LRRC19: variants seen among roughly 807,000 people sequenced by gnomAD.
LRRC19 encodes the protein leucine-rich repeat-containing protein 19.
LRRC19 carries 33 observed loss-of-function variants against 33.3 expected under a neutral mutation model. The ratio of observed to expected loss-of-function variants is 0.99; its 90% confidence interval spans 0.75 to 1.33. The LOEUF (loss-of-function observed/expected upper bound fraction) is 1.33. Among genes scored for constraint, LRRC19 ranks in the 40% most tolerant of loss-of-function variants. LRRC19 has a pLI of 0.00. For missense variants in LRRC19, 463 were observed against 417.3 expected, an observed-to-expected ratio of 1.11 and a Z score of -0.95; for synonymous variants, 184 against 152.3, an observed-to-expected ratio of 1.21 and a Z score of -1.53.
rs771876471 is a variant in LRRC19, at chr9:26,998,096, G to T, written c.227C>A (p.Thr76Lys). Residue 76 changes from threonine to lysine, a missense_variant, in exon 3 of 5, where the codon ACA (threonine) becomes AAA (lysine). Thr to Lys is a moderately conservative substitution (Grantham distance 78). Coordinates refer to ENST00000380055, the MANE Select transcript of LRRC19 (RefSeq NM_022901.3). ...TRVLQTYFLL[T>K]ELYLIENKVT... ...CTTGTTCTCAATCAAATAGAGCTCT[G>T]TGAGTAAAAAGTATGTCTGTAGAAC... The T allele has an allele frequency of 1.2e-6, 2 of 1,613,246 alleles. No individual in the cohort carries two copies. The highest frequency in any genetic ancestry group is 1.7e-6 in the Non-Finnish European group (2 of 1,179,502).
At chr9:27,003,156 G>A (rs1415517367) in intron 1 of LRRC19, among the ~76,000 whole-genome samples, 1 of 151,694 alleles carries the variant, frequency 6.6e-6, no homozygotes, top group African/African-American at 2.4e-5. Context: ...CAACTTTACT[G>A]AATTCAGTTG....
At chr9:27,005,020 G>A in intron 1 of LRRC19, among the ~76,000 whole-genome samples, 1 of 152,118 alleles carries the variant, frequency 6.6e-6, no homozygotes, top group Non-Finnish European at 1.5e-5. Flanking sequence ...AAATCTAAAT[G>A]TAGTTTTTCC....
At chr9:27,005,415 C>G (rs1171246525) in intron 1 of LRRC19, among the ~76,000 whole-genome samples, 177 bp downstream of exon 1, 2 of 120,598 alleles carry the variant, frequency 1.7e-5, no homozygotes, top group African/African-American at 6.3e-5. Flanking sequence ...TAGGAAAGAC[C>G]CTTTGGCCAT....
At position 26,995,852 on chromosome 9, in the gene LRRC19, T is replaced by G; in HGVS notation, c.785-3A>C. 6.3e-7 allele frequency: 1 copy of G among 1,590,830 alleles called. No individual in the cohort carries two copies. On this transcript the variant is annotated splice_polypyrimidine_tract_variant and splice_region_variant and intron_variant, in intron 4 of 4. Coordinates refer to ENST00000380055, the MANE Select transcript of LRRC19 (RefSeq NM_022901.3). ...ACTTTTTCCAAGAGGTTCATGTTCT[T>G]TAATGGAATACCAAGAGAGGAGAGA...
At chr9:27,003,761 A>C (rs561013182) in intron 1 of LRRC19, among the ~76,000 whole-genome samples, 73 of 152,344 alleles carry the variant, frequency 4.8e-4, no homozygotes, top group Non-Finnish European at 4.4e-4. Flanking sequence ...ATTTTATAAA[A>C]TTTGGATGTA....
In LRRC19 at chr9:26,998,212, A is replaced by AT. The variant is rs575764239; in HGVS notation, c.110dup (p.Asn37LysfsTer17). ...TGATATCTGCTGGAATCAAGGTATAATTTTTTTCAGTAAAATTACATTGGA... is the reference window on the plus strand; with the variant it reads ...TGATATCTGCTGGAATCAAGGTATAATTTTTTTTCAGTAAAATTACATTGGA... On this transcript the variant is annotated frameshift_variant, in exon 3 of 5. Coordinates refer to ENST00000380055, the MANE Select transcript of LRRC19 (RefSeq NM_022901.3). LOFTEE classifies it high-confidence loss of function. 3.3e-6 allele frequency: 5 copies of AT among 1,500,774 alleles called. No homozygotes were observed. Among genetic ancestry groups the AT allele is most frequent in the African/African-American group, 1.4e-5 (1 of 70,874 alleles). 93.0% of individuals were successfully genotyped at this position (1,500,774 alleles called of 1,614,324 possible).
Position 26,996,413 on chromosome 9 carries a change from A to G in LRRC19, c.682T>C (p.Ser228Pro). 6.2e-7 allele frequency: 1 copy of G among 1,610,560 alleles called. No individual in the cohort carries two copies. The highest frequency in any genetic ancestry group is 1.1e-5 in the South Asian group (1 of 90,592). Residue 228 changes from serine to proline, a missense_variant, in exon 4 of 5, where the codon TCA becomes CCA. Physicochemically the swap from Ser to Pro is moderately conservative, Grantham distance 74. Coordinates refer to ENST00000380055, the MANE Select transcript of LRRC19 (RefSeq NM_022901.3). ...TCAGTTACTGATGAAGGAAATTTTG[A>G]GTGGCATTCAGCCTTATGAGGTACT... is the stretch of plus-strand genomic sequence containing the variant. ...KTVPHKAECH[S>P]KFPSSVTEDL...
At chr9:26,997,170 C>A (rs1454368816) in intron 3 of LRRC19, among the ~76,000 whole-genome samples, 3 of 151,312 alleles carry the variant, frequency 2.0e-5, no homozygotes, top group African/African-American at 7.3e-5. Flanking sequence ...TGAGATCACG[C>A]CAATGCATTC....
In LRRC19 at chr9:26,996,333, C is replaced by G. The variant is rs747640085; in HGVS notation, c.762G>C (p.Ser254=). 1 of 1,594,594 alleles carries G rather than the reference C, an allele frequency of 6.3e-7. No homozygotes were observed. The highest frequency in any genetic ancestry group is 1.7e-5 in the Admixed American group (1 of 58,904). ...TACCTGAATTTCTTGTTAAGTTGTT[C>G]GAAGAGCTATTAAATATTGAATTGC... is the stretch of plus-strand genomic sequence containing the variant. ...PISNSIFNSS[S]NNLTRNSEHE... is the part of the protein sequence containing the mutation. The change falls in exon 4 of 5, where the codon TCG becomes TCC. Residue 254 remains serine, a synonymous_variant. Coordinates refer to ENST00000380055, the MANE Select transcript of LRRC19 (RefSeq NM_022901.3).
Position 26,993,614 on chromosome 9 carries a change from G to T in LRRC19, c.*1907C>A. ...TATGACATAGATCTATTTTATTTTA[G>T]CCTCTTTTTTCTAAGGAATTGTCAA... On this transcript the variant is annotated 3_prime_UTR_variant, in exon 5 of 5. Transcript: ENST00000380055. 6.6e-6 allele frequency: 1 copy of T among 151,980 alleles called. No homozygotes were observed. 9.4% of individuals were successfully genotyped at this position (151,980 alleles called of 1,614,324 possible).
intron 1 of LRRC19, among the ~76,000 whole-genome samples, chr9:27,002,883 A>AT (rs1301263178): frequency 6.6e-5 from 10 of 151,716 alleles, no homozygotes; most frequent in African/African-American, 2.4e-4. Flanking sequence ...TTTGGTTAGT[A>AT]TTGATATTTT....
chr9:26,998,318 C>G, intron 2 of LRRC19, 77 bp from the exon 3 acceptor site: 2 of 894,196 alleles, frequency 2.2e-6, no homozygotes, highest in Non-Finnish European at 3.2e-6. Flanking sequence ...TATTTAAGCA[C>G]TTAGACATTA....
At position 26,998,159 on chromosome 9, in the gene LRRC19, C is replaced by G. The variant is rs750620039; in HGVS notation, c.164G>C (p.Ser55Thr). The change falls in exon 3 of 5, where the codon AGT becomes ACT. Residue 55 changes from serine to threonine, a missense_variant. Ser to Thr is a moderately conservative substitution (Grantham distance 58). Coordinates refer to ENST00000380055, the MANE Select transcript of LRRC19 (RefSeq NM_022901.3). ...IKKDVTILDL[S>T]YNQITLNGTD... ...ACCATTAAGAGTAATTTGGTTATAACTGAGATCAAGTATAGTAACATCTTT... is the reference window on the plus strand; with the variant it reads ...ACCATTAAGAGTAATTTGGTTATAAGTGAGATCAAGTATAGTAACATCTTT... The G allele has an allele frequency of 6.2e-6, 10 of 1,603,646 alleles. No homozygotes were observed. Among genetic ancestry groups the G allele is most frequent in the Non-Finnish European group, 8.5e-6 (10 of 1,172,868 alleles).
rs1337929553 is a variant in LRRC19, at chr9:26,994,324, G to A, written c.*1197C>T. On this transcript the variant is annotated 3_prime_UTR_variant, in exon 5 of 5. Coordinates refer to ENST00000380055, the MANE Select transcript of LRRC19 (RefSeq NM_022901.3). ...GAGGCCGAGGCGGGTAGATCATGAG[G>A]TCAGGCGTTCGAGACCAGCCTGGCC... is the stretch of plus-strand genomic sequence containing the variant. The A allele has an allele frequency of 1.3e-5, 2 of 152,110 alleles. No individual in the cohort carries two copies. Among genetic ancestry groups the A allele is most frequent in the African/African-American group, 2.4e-5 (1 of 41,402 alleles). The allele number at this position is 152,110 out of a possible 1,614,324, so 9.4% of individuals were successfully genotyped here.
Position 26,996,306 on chromosome 9 carries a change from A to G in LRRC19, c.784+5T>C, listed in dbSNP as rs755823107. 6.5e-7 allele frequency: 1 copy of G among 1,548,750 alleles called. No homozygotes were observed. Among genetic ancestry groups the G allele is most frequent in the South Asian group, 1.2e-5 (1 of 85,664 alleles). On this transcript the variant is annotated splice_donor_5th_base_variant and intron_variant, in intron 4 of 4. Coordinates refer to ENST00000380055, the MANE Select transcript of LRRC19 (RefSeq NM_022901.3). ...CAGTGTTAATATATAGAACCAGTAT[A>G]TTACCTGAATTTCTTGTTAAGTTGT...
chr9:26,996,628 A>G, intron 3 of LRRC19, 129 bp from the exon 4 acceptor site: 1 of 541,854 alleles, frequency 1.8e-6, no homozygotes, highest in Non-Finnish European at 2.9e-6. Context: ...TTCCTGTTGT[A>G]TTTGTCTAGC....
chr9:27,002,026 G>A (rs554897133), intron 1 of LRRC19, among the ~76,000 whole-genome samples: 1 of 152,128 alleles, frequency 6.6e-6, no homozygotes, highest in Admixed American at 6.5e-5. Context: ...GGGTCCTCAG[G>A]AAACTTACAA....
rs1239243276 is a variant in LRRC19, at chr9:26,997,716, A to G, written c.595+12T>C. ...AATCACATTTTGGTTTTGCTTAATT[A>G]TGATAGCTTACCTAATGTCACATTT... On this transcript the variant is annotated intron_variant, in intron 3 of 4. Transcript: ENST00000380055. 6 of 1,575,188 alleles carry G rather than the reference A, an allele frequency of 3.8e-6. No individual in the cohort carries two copies. In the East Asian group the frequency reaches 1.1e-4, roughly 29 times the overall value.
In LRRC19 at chr9:26,995,328, G is replaced by A. The variant is rs374513691; in HGVS notation, c.*193C>T. On this transcript the variant is annotated 3_prime_UTR_variant, in exon 5 of 5. Transcript: ENST00000380055. ...GTAGACTATGTAACTGTCAACTACCGAGGAGTGTCAGTTACTGTATTTGAA... is the reference window on the plus strand; with the variant it reads ...GTAGACTATGTAACTGTCAACTACCAAGGAGTGTCAGTTACTGTATTTGAA... 5.6e-5 allele frequency: 28 copies of A among 498,608 alleles called. No homozygotes were observed. Among genetic ancestry groups the A allele is most frequent in the Non-Finnish European group, 9.4e-5 (26 of 276,546 alleles). The allele number at this position is 498,608 out of a possible 1,614,324, so 30.9% of individuals were successfully genotyped here. A position where few individuals can be genotyped will look rare whatever the true frequency, so the allele number is the denominator to read the frequency against.
Sources: gnomAD v4.1 joint callset for allele counts (sites outside exome capture counted in the v4.1 genomes callset) on GRCh38, gnomAD v4.1.1 for gene constraint, MANE v1.5 for transcripts, NCBI Gene and HGNC (gene_info 2026-07-23, HGNC 2026-07-21) for gene names.